The following UNK variants were observed in gnomAD, a reference collection of about 807,000 sequenced individuals.
UNK encodes unk zinc finger.
A neutral mutation model predicts 97.6 loss-of-function variants in UNK; 32 were observed. The observed-to-expected ratio is 0.33, with a 90% confidence interval of 0.25 to 0.44. The LOEUF (loss-of-function observed/expected upper bound fraction) is 0.44. Ranked by LOEUF, UNK falls within the 20% of genes least tolerant of loss-of-function variation. The pLI is 1.00. For missense variants in UNK, 771 were observed against 1,098.4 expected (o/e 0.70, Z 4.21); for synonymous variants, 441 against 461.2 (o/e 0.96, Z 0.56).
Position 75,823,274 on chromosome 17 carries a change from G to A in UNK, c.2029G>A (p.Ala677Thr). The change falls in exon 15 of 16, where the codon GCC becomes ACC. Residue 677 changes from alanine to threonine, a missense_variant. Transcript: ENST00000589666. ...SWKQAKQACD[A>T]WKKEAEEAGE... ...TATGCTGGCCCCACAGGCTTGTGAT[G>A]CCTGGAAGAAAGAGGCGGAGGAGGC... 1.2e-6 allele frequency: 2 copies of A among 1,601,958 alleles called. No individual in the cohort carries two copies. The highest frequency in any genetic ancestry group is 8.5e-7 in the Non-Finnish European group (1 of 1,171,892).
intron 5 of UNK, 109 bp from the exon 6 acceptor site, chr17:75,813,652 C>T (rs1481342236): frequency 2.3e-5 from 22 of 959,144 alleles, no homozygotes; most frequent in Non-Finnish European, 3.2e-5. Flanking sequence ...TGCAGCTGGT[C>T]TTTTCCATTT....
At chr17:75,821,052 G>GTT (rs35420891) in intron 13 of UNK, among the ~76,000 whole-genome samples, 226 of 147,172 alleles carry the variant, frequency 1.5e-3, no homozygotes, top group African/African-American at 2.3e-3. Context: ...GATAGGATCT[G>GTT]TTTTTTTTTT....
chr17:75,809,965 G>C lies in UNK; in HGVS notation c.310G>C (p.Asp104His), dbSNP rs746462868. 1 of 1,613,444 alleles carries C rather than the reference G, an allele frequency of 6.2e-7. No homozygotes were observed. Among genetic ancestry groups the C allele is most frequent in the East Asian group, 2.2e-5 (1 of 44,882 alleles). ...GGCTACAGGCCTCTGCCCGGAGGGC[G>C]ACGAGTGAGTGACCCAGCCTGTCCT... ...DEATGLCPEG[D>H]ECPFLHRTTG... is the part of the protein sequence containing the mutation. The change falls in exon 2 of 16, where the codon GAC becomes CAC. Residue 104 changes from aspartate to histidine, a missense_variant. By Grantham distance (81) the Asp-to-His change is moderately conservative. This residue lies in a region of UNK where 246 missense variants were observed against 440.7 expected (regional missense o/e 0.56). Transcript: ENST00000589666.
At chr17:75,795,306 A>T (rs2061795993) in intron 1 of UNK, among the ~76,000 whole-genome samples, 1 of 152,014 alleles carries the variant, frequency 6.6e-6, no homozygotes, top group East Asian at 1.9e-4. Flanking sequence ...ATGTACAGAA[A>T]AACTTTGTGG....
At chr17:75,797,473 G>A (rs1479477831) in intron 1 of UNK, among the ~76,000 whole-genome samples, 3 of 152,232 alleles carry the variant, frequency 2.0e-5, no homozygotes, top group Non-Finnish European at 4.4e-5. Flanking sequence ...GACCTCAGGC[G>A]ATCCGCCCGC....
chr17:75,804,609 G>A (rs889858211), intron 1 of UNK, among the ~76,000 whole-genome samples: 51 of 151,856 alleles, frequency 3.4e-4, no homozygotes, highest in Admixed American at 2.0e-4. Flanking sequence ...AGGTTGAGGC[G>A]GGCGGATCAC....
chr17:75,790,951 TAAAATA>T (rs2061758931), intron 1 of UNK, among the ~76,000 whole-genome samples: 2 of 152,110 alleles, frequency 1.3e-5, no homozygotes, highest in African/African-American at 4.8e-5. Context: ...AAAAAAATAA[TAAAATA>T]AAAATAAATA....
chr17:75,802,304 G>A (rs759697702), intron 1 of UNK, among the ~76,000 whole-genome samples: 1 of 122,788 alleles, frequency 8.1e-6, no homozygotes, highest in Non-Finnish European at 1.6e-5. Flanking sequence ...TGTCACCCAG[G>A]CTGGCATGCA....
Position 75,818,722 on chromosome 17 carries a change from C to A in UNK, c.1452C>A (p.Thr484=), listed in dbSNP as rs762841912. ...SSSITSSLAA[T]PPSPVGTSSV... ...GTATCACCTCCAGCCTGGCAGCTAC[C>A]CCCCCTAGCCCAGTGGGCACCAGCA... The change falls in exon 11 of 16, where the codon ACC becomes ACA. Residue 484 remains threonine, a synonymous_variant. Coordinates refer to ENST00000589666, the MANE Select transcript of UNK (RefSeq NM_001080419.3). This position sits in a 1 kb window ranked among gnomAD's most constrained non-coding sequence, Gnocchi z 5.1. The A allele has an allele frequency of 1.9e-6, 3 of 1,613,160 alleles. No individual in the cohort carries two copies. Among genetic ancestry groups the A allele is most frequent in the Non-Finnish European group, 2.5e-6 (3 of 1,179,530 alleles).
chr17:75,803,841 C>A (rs868769992), intron 1 of UNK, among the ~76,000 whole-genome samples: 10 of 152,272 alleles, frequency 6.6e-5, no homozygotes, highest in African/African-American at 2.4e-4. Flanking sequence ...TGAGGAGAAT[C>A]GCTCCCAACC....
At chr17:75,802,943 G>A (rs963369261) in intron 1 of UNK, among the ~76,000 whole-genome samples, 2 of 143,064 alleles carry the variant, frequency 1.4e-5, no homozygotes, top group Non-Finnish European at 3.0e-5. Context: ...TGGCCAACAT[G>A]GTGAAACCTC....
intron 1 of UNK, among the ~76,000 whole-genome samples, chr17:75,788,604 G>A (rs879715787): frequency 9.2e-5 from 14 of 152,076 alleles, no homozygotes; most frequent in African/African-American, 3.1e-4. Flanking sequence ...TGCCCGCCTC[G>A]GCCTCCCAAA....
rs778631560 is a variant in UNK at position 75,824,264 on chromosome 17, C to T, written c.2280C>T (p.Ala760=). The change falls in exon 16 of 16, where the codon GCC becomes GCT. Residue 760 remains alanine, a splice_region_variant and synonymous_variant. Coordinates refer to ENST00000589666, the MANE Select transcript of UNK (RefSeq NM_001080419.3). This position sits in a 1 kb window ranked among gnomAD's most constrained non-coding sequence, Gnocchi z 4.9. ...LRAHLEQVDK[A]VFHMQSVKCL... is the part of the protein sequence containing the mutation. ...CCACGATGCCCCTTTCCCTGCAGGCCGTGTTCCACATGCAGTCGGTGAAAT... is the reference window on the plus strand; with the variant it reads ...CCACGATGCCCCTTTCCCTGCAGGCTGTGTTCCACATGCAGTCGGTGAAAT... The T allele has an allele frequency of 6.3e-6, 10 of 1,594,074 alleles. No homozygotes were observed. The highest frequency in any genetic ancestry group is 5.4e-5 in the African/African-American group (4 of 73,436).
rs1398508016 is a variant in UNK, at chr17:75,818,823, A to G, written c.1546+7A>G. The G allele has an allele frequency of 6.3e-7, 1 of 1,581,486 alleles. No individual in the cohort carries two copies. The highest frequency in any genetic ancestry group is 1.8e-5 in the Admixed American group (1 of 55,648). On this transcript the variant is annotated splice_region_variant and intron_variant, in intron 11 of 15. Transcript: ENST00000589666. The surrounding 1 kb of genome is among the most constrained non-coding windows in gnomAD (Gnocchi z 5.1). ...ACGGTAGAGTCAGTCATAGGTAACT[A>G]GGCCATTTCTGTTTGAAAGCCCAGG...
In UNK at chr17:75,823,505, C is replaced by A; in HGVS notation, c.2260C>A (p.Leu754Met). The change falls in exon 15 of 16, where the codon CTG (leucine) becomes ATG (methionine). Residue 754 changes from leucine (L) to methionine (M), a missense_variant. Physicochemically the swap from Leu to Met is conservative, Grantham distance 15 (BLOSUM62 2). Transcript: ENST00000589666. ...YSLQKQLRAH[L>M]EQVDKAVFHM... The stretch of plus-strand genomic sequence containing the variant: ...CCTCCAGAAACAACTGCGGGCCCAC[C>A]TGGAACAAGTGGACAAGGTCAGCCC... 6.4e-7 allele frequency: 1 copy of A among 1,563,098 alleles called. No individual in the cohort carries two copies. The highest frequency in any genetic ancestry group is 8.7e-7 in the Non-Finnish European group (1 of 1,148,536).
chr17:75,821,667 G>C, intron 13 of UNK: 1 of 456,704 alleles, frequency 2.2e-6, no homozygotes, highest in Non-Finnish European at 4.4e-6. Context: ...GTGGGAAAGG[G>C]AGCAAGGAAG....
At chr17:75,793,597 T>C in intron 1 of UNK, 1 of 985,422 alleles carries the variant, frequency 1.0e-6, no homozygotes, top group Non-Finnish European at 1.2e-6. Context: ...TACTGAGGCC[T>C]GTGACAGCCT....
intron 1 of UNK, among the ~76,000 whole-genome samples, chr17:75,808,205 C>T (rs750928431): frequency 6.6e-6 from 1 of 152,204 alleles, no homozygotes; most frequent in African/African-American, 2.4e-5. Flanking sequence ...TATCCCAGCT[C>T]AGTGCCAGGC....
chr17:75,818,550 A>G lies in UNK; in HGVS notation c.1372-92A>G. 1 of 1,425,808 alleles carries G rather than the reference A, an allele frequency of 7.0e-7. No individual in the cohort carries two copies. The highest frequency in any genetic ancestry group is 9.4e-7 in the Non-Finnish European group (1 of 1,064,016). The allele number at this position is 1,425,808 out of a possible 1,614,324, so 88.3% of individuals were successfully genotyped here. On this transcript the variant is annotated intron_variant, in intron 10 of 15. Transcript: ENST00000589666. The surrounding 1 kb of genome is among the most constrained non-coding windows in gnomAD (Gnocchi z 5.1). ...ACCCGGACTAGAGCTAGCACGGGCCATTTCCCTTGCCCCCAGCCCCTCTCC... is the reference window on the plus strand; with the variant it reads ...ACCCGGACTAGAGCTAGCACGGGCCGTTTCCCTTGCCCCCAGCCCCTCTCC...
Sources: allele counts gnomAD v4.1 joint callset (sites outside exome capture counted in the v4.1 genomes callset), GRCh38; gene constraint gnomAD v4.1.1; regional missense constraint gnomAD v4.1.1; non-coding constraint Gnocchi (gnomAD v3.1); transcripts MANE v1.5; gene names NCBI Gene and HGNC (gene_info 2026-07-23, HGNC 2026-07-21).